The following FBXO17 variants were observed in gnomAD, a reference collection of about 807,000 sequenced individuals.
FBXO17 encodes F-box only protein 17.
FBXO17 carries 43 observed loss-of-function variants against 34.1 expected under a neutral mutation model. That is an observed-to-expected ratio of 1.26 (90% CI 0.99 to 1.62). FBXO17 has a LOEUF of 1.62. FBXO17 is among the 40% of genes most tolerant of loss of function. The pLI, the probability that FBXO17 is intolerant of heterozygous loss-of-function variation, is 0.00. For missense variants in FBXO17, 424 were observed against 386.7 expected (o/e 1.10, Z -0.81); for synonymous variants, 169 against 166.0 (o/e 1.02, Z -0.14).
At chr19:38,959,283 C>CTTTCTT (rs1555751457) in intron 1 of FBXO17, among the ~76,000 whole-genome samples, 3 of 128,080 alleles carry the variant, frequency 2.3e-5, no homozygotes, top group African/African-American at 8.9e-5. Flanking sequence ...TTCTTTCTTT[C>CTTTCTT]TTTTTTTTTT....
At chr19:38,966,796 C>T (rs374579960) in intron 1 of FBXO17, among the ~76,000 whole-genome samples, 22 of 152,248 alleles carry the variant, frequency 1.4e-4, no homozygotes, top group African/African-American at 3.1e-4. Context: ...GCTTTACTTA[C>T]GGGTTTTCTT....
chr19:38,945,055 G>A lies in FBXO17; in HGVS notation c.607C>T (p.Leu203Phe). The A allele has an allele frequency of 1.2e-6, 2 of 1,614,208 alleles. No individual in the cohort carries two copies. The highest frequency in any genetic ancestry group is 1.7e-6 in the Non-Finnish European group (2 of 1,180,044). ...ACTTCCTTTTCATACACATCCAGAA[G>A]GCGGACCCGGAGCTGGTAGACGCAG... ...CGCVYQLRVRLLDVYEKEVVK... is the reference protein window; with the variant it reads ...CGCVYQLRVRFLDVYEKEVVK... The change falls in exon 5 of 6, where the codon CTT (leucine) becomes TTT (phenylalanine). Residue 203 changes from leucine (L) to phenylalanine (F), a missense_variant. Transcript: ENST00000292852.
At chr19:38,949,472 G>A (rs149416154) in intron 2 of FBXO17, among the ~76,000 whole-genome samples, 4 of 151,632 alleles carry the variant, frequency 2.6e-5, no homozygotes, top group Non-Finnish European at 4.4e-5. Flanking sequence ...GGCCTCAAGC[G>A]ATCCTCCCAC....
At chr19:38,972,207 A>C (rs911703457) in intron 1 of FBXO17, among the ~76,000 whole-genome samples, 2 of 152,140 alleles carry the variant, frequency 1.3e-5, no homozygotes, top group African/African-American at 4.8e-5. Flanking sequence ...TGGGTTTTAT[A>C]AGCTGGGACC....
chr19:38,961,097 T>C (rs1171486175), intron 1 of FBXO17, among the ~76,000 whole-genome samples: 1 of 151,864 alleles, frequency 6.6e-6, no homozygotes, highest in Admixed American at 6.6e-5. Context: ...CGTGAGCCAC[T>C]GCGCATGGCC....
intron 1 of FBXO17, among the ~76,000 whole-genome samples, chr19:38,972,776 T>C (rs1038958726): frequency 6.6e-6 from 1 of 152,178 alleles, no homozygotes; most frequent in Non-Finnish European, 1.5e-5. Flanking sequence ...TCTTTTCTTT[T>C]TGGACAGAGT....
chr19:38,954,904 A>C (rs1006384580), intron 1 of FBXO17, among the ~76,000 whole-genome samples: 13 of 37,258 alleles, frequency 3.5e-4, no homozygotes, highest in African/African-American at 1.3e-3. Context: ...TTTTATTATT[A>C]TTATTATTAT....
intron 1 of FBXO17, among the ~76,000 whole-genome samples, chr19:38,974,174 A>G (rs1185127471): frequency 6.6e-6 from 1 of 150,464 alleles, no homozygotes; most frequent in Non-Finnish European, 1.5e-5. Flanking sequence ...CTCCACCTCC[A>G]GGGTTCAAGC....
rs1412956222 is a variant in FBXO17, at chr19:38,949,979, C to G, written c.341G>C (p.Cys114Ser). The G allele has an allele frequency of 1.3e-6, 2 of 1,543,790 alleles. No homozygotes were observed. The highest frequency in any genetic ancestry group is 2.0e-5 in the Admixed American group (1 of 50,772). Residue 114 changes from cysteine to serine, a missense_variant, in exon 2 of 6, where the codon TGC becomes TCC. By Grantham distance (112) the Cys-to-Ser change is moderately radical (BLOSUM62 -1). Transcript: ENST00000292852. ...CCGCCCCCGTCACCCACGCTCTCCG[C>G]AGGAGTTGAAGATGAGATTGCGGCC... ...PFGRNLIFNS[C>S]GEQGFRGWEV...
chr19:38,944,531 A>G (rs1471390457), intron 5 of FBXO17, among the ~76,000 whole-genome samples: 2 of 152,300 alleles, frequency 1.3e-5, no homozygotes, highest in Admixed American at 1.3e-4. Context: ...GGTATGAGCC[A>G]CTGTGCCCAG....
intron 1 of FBXO17, among the ~76,000 whole-genome samples, chr19:38,960,765 C>A (rs562290162): frequency 1.3e-5 from 2 of 150,858 alleles, no homozygotes; most frequent in Non-Finnish European, 1.5e-5. Flanking sequence ...GCCTCGGCCT[C>A]CCAAAGTGCT....
At position 38,949,953 on chromosome 19, in the gene FBXO17, C is replaced by T. The variant is rs1230344227; in HGVS notation, c.349+18G>A. 6.6e-7 allele frequency: 1 copy of T among 1,516,956 alleles called. No individual in the cohort carries two copies. The highest frequency in any genetic ancestry group is 8.8e-7 in the Non-Finnish European group (1 of 1,135,156). The allele number at this position is 1,516,956 out of a possible 1,614,324, so 94.0% of individuals were successfully genotyped here. On this transcript the variant is annotated intron_variant, in intron 2 of 5. Coordinates refer to ENST00000292852, the MANE Select transcript of FBXO17 (RefSeq NM_024907.7). ...CGCGGCCCCCCTCAGCCTCCTGGGC[C>T]CCGCCCCCGTCACCCACGCTCTCCG... is the stretch of plus-strand genomic sequence containing the variant.
chr19:38,942,881 T>C, intron 5 of FBXO17, 130 bp from the exon 6 acceptor site: 3 of 1,170,070 alleles, frequency 2.6e-6, no homozygotes, highest in South Asian at 1.7e-5. Flanking sequence ...GAGCAGTGAA[T>C]AAAACCGGAA....
At chr19:38,968,959 G>C in intron 1 of FBXO17, among the ~76,000 whole-genome samples, 1 of 152,050 alleles carries the variant, frequency 6.6e-6, no homozygotes, top group Middle Eastern at 3.2e-3. Flanking sequence ...TTGTTACGGT[G>C]GTGATGGTTG....
intron 1 of FBXO17, among the ~76,000 whole-genome samples, chr19:38,963,297 CTT>C (rs1555752021): frequency 0.017 from 1,280 of 75,796 alleles, 8 homozygotes; most frequent in African/African-American, 0.075. Flanking sequence ...TTCACTCATA[CTT>C]TTTTTTTTTT....
chr19:38,952,546 A>C (rs1489263584), intron 1 of FBXO17: 2 of 534,148 alleles, frequency 3.7e-6, no homozygotes, highest in Non-Finnish European at 7.7e-6. Context: ...CCTCCCCAAA[A>C]CCCCCAGCGA....
intron 2 of FBXO17, among the ~76,000 whole-genome samples, chr19:38,949,534 ATTT>A (rs758914338): frequency 7.2e-6 from 1 of 139,586 alleles, no homozygotes; most frequent in African/African-American, 2.6e-5. Flanking sequence ...GCACCCCACC[ATTT>A]TTTTTTTTTT....
At position 38,945,045 on chromosome 19, in the gene FBXO17, A is replaced by G. The variant is rs1974953185; in HGVS notation, c.617T>C (p.Val206Ala). ...VYQLRVRLLDVYEKEVVKFSA... is the reference protein window; with the variant it reads ...VYQLRVRLLDAYEKEVVKFSA... ...GAACTTGACCACTTCCTTTTCATAC[A>G]CATCCAGAAGGCGGACCCGGAGCTG... The change falls in exon 5 of 6, where the codon GTG becomes GCG. Residue 206 changes from valine to alanine, a missense_variant. Coordinates refer to ENST00000292852, the MANE Select transcript of FBXO17 (RefSeq NM_024907.7). The G allele has an allele frequency of 6.2e-7, 1 of 1,614,198 alleles. No homozygotes were observed.
At chr19:38,968,063 C>T (rs1600205050) in intron 1 of FBXO17, among the ~76,000 whole-genome samples, 1 of 151,942 alleles carries the variant, frequency 6.6e-6, no homozygotes, top group East Asian at 1.9e-4. Context: ...AGGCCAGGCT[C>T]GGTGGCTCAT....
Sources: gnomAD v4.1 joint callset for allele counts (sites outside exome capture counted in the v4.1 genomes callset) on GRCh38, gnomAD v4.1.1 for gene constraint, MANE v1.5 for transcripts, NCBI Gene and HGNC (gene_info 2026-07-23, HGNC 2026-07-21) for gene names.